Variants in RBFOX1 observed in about 807,000 individuals in gnomAD.
RBFOX1 encodes RNA binding fox-1 homolog 1.
Under a neutral mutation model 57.7 loss-of-function variants are expected in RBFOX1, and 8 were observed. That is an observed-to-expected ratio of 0.14 (90% confidence interval 0.08 to 0.25). The LOEUF is 0.25. Among genes scored for constraint, RBFOX1 ranks in the 10% least tolerant of loss-of-function variants. The pLI is 1.00. For synonymous variants in RBFOX1, 326 were observed against 222.4 expected (o/e 1.47, Z -4.15); for missense variants, 611 against 548.5 (o/e 1.11, Z -1.14).
chr16:7,468,028 G>A lies in RBFOX1; in HGVS notation c.28-50119G>A, dbSNP rs17143704. 2.8e-3 allele frequency among the ~76,000 whole-genome samples: 428 copies of A among 152,286 alleles called. 11 individuals are homozygous for A. The highest frequency in any genetic ancestry group is 0.019 in the Admixed American group (288 of 15,292). ...AAGCAGAAGGAAAATGCCTAATTCC[G>A]ACTTGTTAGCCGCTGAACTTCTGAG... On this transcript the variant is annotated intron_variant, in intron 4 of 15. Coordinates refer to ENST00000550418, the MANE Select transcript of RBFOX1 (RefSeq NM_018723.4).
At chr16:6,317,159 A>G (rs1425714566) in intron 2 of RBFOX1, 102 bp downstream of exon 2, 8 of 1,150,766 alleles carry the variant, frequency 7.0e-6, no homozygotes, top group African/African-American at 4.6e-5. Flanking sequence ...AGTTGTTACA[A>G]AAACTTTGCT....
chr16:7,513,775 G>T (rs1269116389), intron 4 of RBFOX1, among the ~76,000 whole-genome samples: 1 of 152,166 alleles, frequency 6.6e-6, no homozygotes, highest in Non-Finnish European at 1.5e-5. Context: ...GCTTTTCATG[G>T]AAGTCTGAGG....
chr16:7,228,323 G>T (rs778650117), intron 4 of RBFOX1, among the ~76,000 whole-genome samples: 63 of 152,104 alleles, frequency 4.1e-4, no homozygotes, highest in Non-Finnish European at 1.0e-4. Context: ...CACATATTAG[G>T]AGGAAAATCA....
chr16:6,642,746 C>A (rs1041101047), intron 2 of RBFOX1, among the ~76,000 whole-genome samples: 1 of 152,082 alleles, frequency 6.6e-6, no homozygotes, highest in Non-Finnish European at 1.5e-5. Flanking sequence ...TGTAGTTGTT[C>A]TGGCTTTACA....
intron 2 of RBFOX1, among the ~76,000 whole-genome samples, chr16:6,482,209 A>T (rs921192952): frequency 1.7e-4 from 26 of 152,214 alleles, no homozygotes; most frequent in African/African-American, 6.3e-4. Flanking sequence ...GATCAAATAT[A>T]GGAGGGATAT....
intron 1 of RBFOX1, among the ~76,000 whole-genome samples, chr16:6,047,687 G>C (rs1202179056): frequency 6.6e-6 from 1 of 152,172 alleles, no homozygotes; most frequent in Non-Finnish European, 1.5e-5. Context: ...ATACGGAGCA[G>C]GGGATGCTGA....
chr16:7,482,273 T>G (rs78534083), intron 4 of RBFOX1, among the ~76,000 whole-genome samples: 2,360 of 152,254 alleles, frequency 0.016, 65 homozygotes, highest in African/African-American at 0.055. Context: ...TCATCCTCAT[T>G]AATTCTATCT....
chr16:7,041,425 C>G (rs953010434), intron 3 of RBFOX1, among the ~76,000 whole-genome samples: 1 of 152,080 alleles, frequency 6.6e-6, no homozygotes, highest in Non-Finnish European at 1.5e-5. Flanking sequence ...GTAGATGAAC[C>G]ACAATTCTTT....
At chr16:6,293,397 A>C (rs905471930) in intron 1 of RBFOX1, among the ~76,000 whole-genome samples, 2 of 152,064 alleles carry the variant, frequency 1.3e-5, no homozygotes, top group Non-Finnish European at 2.9e-5. Context: ...TTTTCCCTCA[A>C]ATATTCCTAT....
intron 1 of RBFOX1, among the ~76,000 whole-genome samples, chr16:6,153,033 G>GTTTTTTTTTTTTTTTTTTTTATTTTTTTT (rs59957159): frequency 1.6e-5 from 2 of 128,138 alleles, no homozygotes; most frequent in Non-Finnish European, 3.3e-5. Context: ...GTTATTTTCT[G>GTTTTTTTTTTTTTTTTTTTTATTTTTTTT]TTTTTTTTTT....
At chr16:5,870,394 G>A (rs74004662) in intron 4 of RBFOX1, among the ~76,000 whole-genome samples, 4,673 of 130,384 alleles carry the variant, frequency 0.036, 201 homozygotes, top group African/African-American at 0.11. Context: ...AAAAAAAAAT[G>A]AAGGCACTTG....
At chr16:5,580,006 G>C (rs966757844) in intron 2 of RBFOX1, among the ~76,000 whole-genome samples, 1 of 152,084 alleles carries the variant, frequency 6.6e-6, no homozygotes, top group African/African-American at 2.4e-5. Context: ...CCTGACCTCA[G>C]GTGATGCACC....
intron 3 of RBFOX1, among the ~76,000 whole-genome samples, chr16:7,010,014 A>G (rs966640490): frequency 1.3e-5 from 2 of 148,968 alleles, no homozygotes; most frequent in Non-Finnish European, 2.9e-5. Context: ...ACTTGATAGA[A>G]GCTCAGAGAA....
chr16:7,107,303 C>T (rs1599689073), intron 4 of RBFOX1, among the ~76,000 whole-genome samples: 1 of 152,040 alleles, frequency 6.6e-6, no homozygotes, highest in South Asian at 2.1e-4. Flanking sequence ...TAAATGCCTT[C>T]TGGGGCAGAC....
At chr16:6,668,355 G>A (rs1239260135) in intron 3 of RBFOX1, among the ~76,000 whole-genome samples, 1 of 152,210 alleles carries the variant, frequency 6.6e-6, no homozygotes, top group African/African-American at 2.4e-5. Flanking sequence ...GCCAGGTATA[G>A]TTTAGTTGTT....
intron 2 of RBFOX1, among the ~76,000 whole-genome samples, chr16:6,622,983 A>T (rs1248249192): frequency 6.6e-6 from 1 of 152,204 alleles, no homozygotes; most frequent in East Asian, 1.9e-4. Context: ...TTGGGCAATT[A>T]AAGATTAGCT....
At chr16:6,847,326 C>T (rs553386167) in intron 3 of RBFOX1, among the ~76,000 whole-genome samples, 33 of 152,264 alleles carry the variant, frequency 2.2e-4, no homozygotes, top group Non-Finnish European at 4.0e-4. Flanking sequence ...GCTATGGGTC[C>T]AGCCAGACCT....
intron 2 of RBFOX1, among the ~76,000 whole-genome samples, chr16:5,478,377 G>A (rs913207750): frequency 6.6e-6 from 1 of 152,046 alleles, no homozygotes; most frequent in Admixed American, 6.6e-5. Context: ...TTCCAGGAAC[G>A]GGTAATGAAT....
At chr16:7,355,649 A>G (rs977216920) in intron 4 of RBFOX1, among the ~76,000 whole-genome samples, 2 of 152,148 alleles carry the variant, frequency 1.3e-5, no homozygotes, top group African/African-American at 4.8e-5. Context: ...CTATCATTCT[A>G]TATTGTGACG....
Sources: gnomAD v4.1 joint callset for allele counts (sites outside exome capture counted in the v4.1 genomes callset) on GRCh38, gnomAD v4.1.1 for gene constraint, MANE v1.5 for transcripts, NCBI Gene and HGNC (gene_info 2026-07-23, HGNC 2026-07-21) for gene names.